Variants in FBN2 observed in about 807,000 individuals in gnomAD.
The protein encoded by FBN2 is fibrillin-2.
FBN2 carries 105 observed loss-of-function variants against 355.6 expected under a neutral mutation model. The observed-to-expected ratio is 0.30, with a 90% CI of 0.25 to 0.35. The LOEUF (loss-of-function observed/expected upper bound fraction) is 0.35, where lower values mean the gene tolerates loss of function less well. FBN2 is among the 10% of genes least tolerant of loss of function. The probability of loss-of-function intolerance (pLI) is 1.00; values close to 1 mark genes in which losing one functional copy is unlikely to be tolerated. For missense variants in FBN2, 3,280 were observed against 3,758.7 expected, an observed-to-expected ratio of 0.87 and a Z score of 3.33; for synonymous variants, 1,350 against 1,301.2, an observed-to-expected ratio of 1.04 and a Z score of -0.81.
intron 48 of FBN2, among the ~76,000 whole-genome samples, chr5:128,298,170 T>C (rs1025870900): frequency 5.9e-5 from 9 of 152,000 alleles, no homozygotes; most frequent in Non-Finnish European, 1.2e-4. Flanking sequence ...TGGCCGCCAC[T>C]CTCTTCTGGC....
chr5:128,510,041 C>G (rs1192574875), intron 5 of FBN2, among the ~76,000 whole-genome samples: 3 of 152,116 alleles, frequency 2.0e-5, no homozygotes, highest in Admixed American at 1.3e-4. Flanking sequence ...GTCACAAGTT[C>G]TCTCTATATA....
chr5:128,319,075 G>A, intron 34 of FBN2, 74 bp from the exon 35 acceptor site: 2 of 1,256,500 alleles, frequency 1.6e-6, no homozygotes, highest in Non-Finnish European at 2.3e-6. Flanking sequence ...TCTAACATTA[G>A]CGCATTTTTC....
intron 23 of FBN2, among the ~76,000 whole-genome samples, chr5:128,347,972 A>G (rs890206785): frequency 6.6e-5 from 10 of 151,122 alleles, no homozygotes; most frequent in South Asian, 6.3e-4. Flanking sequence ...AGAGACGGGG[A>G]GGGGGGGGTT....
chr5:128,391,691 ATTG>A (rs1752515612), intron 11 of FBN2, among the ~76,000 whole-genome samples: 1 of 152,114 alleles, frequency 6.6e-6, no homozygotes, highest in Admixed American at 6.5e-5. Flanking sequence ...TGCTTGACGA[ATTG>A]TTTTTAAAAT....
At chr5:128,535,896 C>G (rs145175476) in intron 2 of FBN2, among the ~76,000 whole-genome samples, 1 of 151,468 alleles carries the variant, frequency 6.6e-6, no homozygotes, top group African/African-American at 2.4e-5. Flanking sequence ...ACACTAAATC[C>G]GCGAGAATGC....
rs7719155 is a variant in FBN2, at chr5:128,431,558, A to C, written c.952+14923T>G. ...TTCCCTCTTCGCAATTACACAGATA[A>C]AAAAATCTATTCTTACTGTAGAGCT... On this transcript the variant is annotated intron_variant, in intron 7 of 64. Coordinates refer to ENST00000262464, the MANE Select transcript of FBN2 (RefSeq NM_001999.4). Among the ~76,000 whole-genome samples, 618 of 152,324 alleles carry C rather than the reference A, an allele frequency of 4.1e-3. 2 individuals carry two copies. The highest frequency in any genetic ancestry group is 0.014 in the African/African-American group (585 of 41,580).
At chr5:128,418,396 T>C (rs1394853999) in intron 7 of FBN2, among the ~76,000 whole-genome samples, 1 of 152,146 alleles carries the variant, frequency 6.6e-6, no homozygotes, top group East Asian at 1.9e-4. Flanking sequence ...TTGGGTTTGG[T>C]TTGTTCTTGC....
At chr5:128,270,289 G>A (rs1765233941) in intron 62 of FBN2, among the ~76,000 whole-genome samples, 1 of 152,210 alleles carries the variant, frequency 6.6e-6, no homozygotes, top group Admixed American at 6.5e-5. Flanking sequence ...CACTTTGGGA[G>A]GCTGAGGCGG....
rs74686520 is a variant in FBN2, at chr5:128,400,653, T to C, written c.1079-5379A>G. Among the ~76,000 whole-genome samples, 517 of 152,312 alleles carry C rather than the reference T, an allele frequency of 3.4e-3. 12 individuals carry two copies. The East Asian group carries it at 0.056, about 17-fold the overall frequency. On this transcript the variant is annotated intron_variant, in intron 8 of 64. Coordinates refer to ENST00000262464, the MANE Select transcript of FBN2 (RefSeq NM_001999.4). ...TACTGTACCAGAATATTTCCAAGAA[T>C]TGGTATCAACTGGTAATATTCTTGG...
rs905042047 is a variant in FBN2, at chr5:128,263,785, C to T, written c.7961-129G>A. 21 of 659,826 alleles carry T rather than the reference C, an allele frequency of 3.2e-5. No individual in the cohort carries two copies. The Admixed American group carries it at 5.9e-4, about 18-fold the overall frequency. The allele number at this position is 659,826 out of a possible 1,614,324, so 40.9% of individuals were successfully genotyped here. ...CTCTAACACAGTATTTTATTTTATT[C>T]TGACGACTGATTTGCAAAGCACGTG... is the stretch of plus-strand genomic sequence containing the variant. On this transcript the variant is annotated intron_variant, in intron 62 of 64. Coordinates refer to ENST00000262464, the MANE Select transcript of FBN2 (RefSeq NM_001999.4).
chr5:128,423,084 C>T (rs999036508), intron 7 of FBN2, among the ~76,000 whole-genome samples: 76 of 151,902 alleles, frequency 5.0e-4, no homozygotes, highest in Non-Finnish European at 3.1e-4. Flanking sequence ...AATTCTACAG[C>T]AGAAATAGTG....
At chr5:128,529,672 G>T (rs1581374000) in intron 3 of FBN2, among the ~76,000 whole-genome samples, 1 of 152,182 alleles carries the variant, frequency 6.6e-6, no homozygotes, top group East Asian at 1.9e-4. Context: ...ACTAGGAACA[G>T]GATAATGAAC....
At chr5:128,523,954 G>A (rs1219227227) in intron 4 of FBN2, among the ~76,000 whole-genome samples, 2 of 151,844 alleles carry the variant, frequency 1.3e-5, no homozygotes, top group Non-Finnish European at 2.9e-5. Context: ...GCTCAACACA[G>A]CAGACAGGTG....
rs116773938 is a variant in FBN2 at position 128,377,656 on chromosome 5, C to G, written c.1849+96G>C. 3.9e-6 allele frequency: 5 copies of G among 1,265,944 alleles called. No homozygotes were observed. The South Asian group carries it at 6.0e-5, about 15-fold the overall frequency. 78.4% of individuals were successfully genotyped at this position (1,265,944 alleles called of 1,614,324 possible). On this transcript the variant is annotated intron_variant, in intron 13 of 64. Coordinates refer to ENST00000262464, the MANE Select transcript of FBN2 (RefSeq NM_001999.4). ...CTAAGTTACCTGAAGATCTCACATA[C>G]GTGGTGTGTGAGCTTTCATGGAAAT...
intron 20 of FBN2, among the ~76,000 whole-genome samples, chr5:128,352,306 A>T (rs1751389777): frequency 6.6e-6 from 1 of 152,222 alleles, no homozygotes; most frequent in African/African-American, 2.4e-5. Context: ...TATGAGGAAG[A>T]TGTAAAAATC....
chr5:128,336,400 G>A (rs1450381875), intron 27 of FBN2, among the ~76,000 whole-genome samples: 1 of 152,158 alleles, frequency 6.6e-6, no homozygotes, highest in African/African-American at 2.4e-5. Flanking sequence ...TATAACTAAG[G>A]AATATTTAAT....
intron 2 of FBN2, among the ~76,000 whole-genome samples, chr5:128,535,216 A>T (rs2112807648): frequency 6.6e-6 from 1 of 152,368 alleles, no homozygotes; most frequent in Non-Finnish European, 1.5e-5. Context: ...AAATAGTGGG[A>T]TGTTAAGGTA....
At chr5:128,474,546 A>G (rs1227466876) in intron 5 of FBN2, among the ~76,000 whole-genome samples, 1 of 152,188 alleles carries the variant, frequency 6.6e-6, no homozygotes. Context: ...TCCAAAAATA[A>G]TATGGTCACA....
intron 11 of FBN2, among the ~76,000 whole-genome samples, chr5:128,387,349 C>T (rs1359698779): frequency 1.3e-5 from 2 of 151,992 alleles, no homozygotes; most frequent in African/African-American, 4.8e-5. Flanking sequence ...TCCGTCTTCT[C>T]TCTTTTATTC....
Sources: allele counts gnomAD v4.1 joint callset (sites outside exome capture counted in the v4.1 genomes callset), GRCh38; gene constraint gnomAD v4.1.1; transcripts MANE v1.5; gene names NCBI Gene and HGNC (gene_info 2026-07-23, HGNC 2026-07-21).